Variants in LRRC7 observed in about 807,000 individuals in gnomAD.
LRRC7 encodes the protein leucine-rich repeat-containing protein 7.
A neutral mutation model predicts 175.7 loss-of-function variants in LRRC7; 23 were observed. The observed-to-expected ratio is 0.13, with a 90% CI of 0.09 to 0.19. The LOEUF is 0.19. Ranked by LOEUF, LRRC7 falls within the 10% of genes least tolerant of loss-of-function variation. The pLI is 1.00. For synonymous variants in LRRC7, 685 were observed against 680.9 expected, an observed-to-expected ratio of 1.01 and a Z score of -0.09; for missense variants, 1,354 against 1,904.7, an observed-to-expected ratio of 0.71 and a Z score of 5.38.
intron 7 of LRRC7, among the ~76,000 whole-genome samples, chr1:69,890,720 C>T (rs532722118): frequency 6.6e-6 from 1 of 152,200 alleles, no homozygotes; most frequent in East Asian, 1.9e-4. Flanking sequence ...TTTATTGTAG[C>T]CACCTTCATT....
intron 2 of LRRC7, among the ~76,000 whole-genome samples, chr1:69,697,695 A>T (rs1047507097): frequency 2.0e-5 from 3 of 152,240 alleles, no homozygotes; most frequent in African/African-American, 4.8e-5. Context: ...AAAATCTTGC[A>T]TAGCTAAAGC....
intron 23 of LRRC7, among the ~76,000 whole-genome samples, chr1:70,072,075 C>T (rs1311826992): frequency 6.6e-6 from 1 of 151,972 alleles, no homozygotes; most frequent in African/African-American, 2.4e-5. Flanking sequence ...TAGAGTTTTC[C>T]CTGTAAACTT....
intron 7 of LRRC7, among the ~76,000 whole-genome samples, chr1:69,916,147 A>G (rs1191703599): frequency 6.9e-6 from 1 of 144,820 alleles, no homozygotes; most frequent in African/African-American, 2.5e-5. Context: ...TATAATATAT[A>G]TATTATATAC....
In LRRC7 at chr1:69,732,765, A is replaced by T. The variant is rs80185455; in HGVS notation, c.101-27426A>T. ...TACAAAAATATTTTAGTTTACTTGA[A>T]CTAAAAATTAAATGTGAATGAGGAT... On this transcript the variant is annotated intron_variant, in intron 2 of 26. Coordinates refer to ENST00000651989, the MANE Select transcript of LRRC7 (RefSeq NM_001370785.2). Among the ~76,000 whole-genome samples the T allele has an allele frequency of 3.2e-3, 494 of 152,198 alleles. 6 individuals carry two copies. In the East Asian group the frequency reaches 0.059, roughly 18 times the overall value.
At chr1:70,003,617 A>C (rs1333001804) in intron 11 of LRRC7, among the ~76,000 whole-genome samples, 8 of 152,220 alleles carry the variant, frequency 5.3e-5, no homozygotes, top group Admixed American at 3.9e-4. Flanking sequence ...TGATTGTATA[A>C]GATTTCAGTT....
chr1:69,613,455 A>C (rs1473306125), intron 1 of LRRC7, among the ~76,000 whole-genome samples: 2 of 152,046 alleles, frequency 1.3e-5, no homozygotes, highest in Non-Finnish European at 2.9e-5. Flanking sequence ...CATTAAGTCC[A>C]TAGCACTTAT....
intron 1 of LRRC7, among the ~76,000 whole-genome samples, chr1:69,600,030 C>G (rs1190418056): frequency 6.6e-6 from 1 of 152,100 alleles, no homozygotes; most frequent in African/African-American, 2.4e-5. Context: ...TAGAGCCACT[C>G]CACCTCTAGG....
chr1:69,575,283 C>G (rs1350967674), intron 1 of LRRC7, among the ~76,000 whole-genome samples: 1 of 152,058 alleles, frequency 6.6e-6, no homozygotes, highest in Non-Finnish European at 1.5e-5. Context: ...CTCTTACACC[C>G]GAGCAAAGTA....
In LRRC7 at chr1:69,717,853, G is replaced by GGAAAGAAAGAAAGAAAGAAA. The variant is rs144400631; in HGVS notation, c.100+39382_100+39401dup. ...AAGAAAGAAAGAAAAAAGAAAGAAA[G>GGAAAGAAAGAAAGAAAGAAA]GAAAGAAAGAAAGAAAGAAAGAAAG... On this transcript the variant is annotated intron_variant, in intron 2 of 26. Transcript: ENST00000651989. Among the ~76,000 whole-genome samples the GGAAAGAAAGAAAGAAAGAAA allele has an allele frequency of 1.2e-3, 19 of 15,632 alleles. 2 individuals carry two copies. Among genetic ancestry groups the GGAAAGAAAGAAAGAAAGAAA allele is most frequent in the African/African-American group, 7.3e-3 (18 of 2,456 alleles). The allele number at this position is 15,632 out of a possible 152,430, so 10.3% of individuals were successfully genotyped here.
intron 1 of LRRC7, chr1:69,607,802 C>T (rs1027874567): frequency 1.3e-5 from 2 of 152,054 alleles, no homozygotes; most frequent in Non-Finnish European, 2.9e-5. Context: ...CTAGAATAGT[C>T]AATATCAATT....
intron 10 of LRRC7, among the ~76,000 whole-genome samples, chr1:69,986,911 G>A (rs6660153): frequency 0.026 from 3,955 of 152,096 alleles, 151 homozygotes; most frequent in African/African-American, 0.084. Context: ...ATAATTTGCC[G>A]GTTAGTGTAT....
At chr1:69,742,348 C>A (rs1422364326) in intron 2 of LRRC7, among the ~76,000 whole-genome samples, 1 of 151,896 alleles carries the variant, frequency 6.6e-6, no homozygotes, top group Non-Finnish European at 1.5e-5. Context: ...CCGCTTTATA[C>A]AAGTTATATA....
chr1:69,769,806 CAG>C (rs1233684598), intron 3 of LRRC7, among the ~76,000 whole-genome samples: 1 of 152,038 alleles, frequency 6.6e-6, no homozygotes, highest in East Asian at 1.9e-4. Flanking sequence ...ACTAAAATAA[CAG>C]AAAGTTCTTT....
In LRRC7 at chr1:70,076,160, A is replaced by G; in HGVS notation, c.4314A>G (p.Ile1438Met). Reference sequence around the variant, plus strand: ...AGCAGCAGCCGTATGAAGGAAATATAAACAAAGTGACCATCCAGCAATTTC... The same window carrying G: ...AGCAGCAGCCGTATGAAGGAAATATGAACAAAGTGACCATCCAGCAATTTC... ...SREQQPYEGN[I>M]NKVTIQQFQS... Residue 1438 changes from isoleucine (I) to methionine (M), a missense_variant, in exon 24 of 27, where the codon ATA becomes ATG. Ile to Met is a conservative substitution (Grantham distance 10, BLOSUM62 1). Around this residue, in one of 4 missense-constraint regions of LRRC7, gnomAD observed 1,032 missense variants for 1,227.2 expected, o/e 0.84. Coordinates refer to ENST00000651989, the MANE Select transcript of LRRC7 (RefSeq NM_001370785.2). The G allele has an allele frequency of 6.2e-7, 1 of 1,614,096 alleles. No individual in the cohort carries two copies. The highest frequency in any genetic ancestry group is 8.5e-7 in the Non-Finnish European group (1 of 1,179,984).
chr1:69,822,498 G>C (rs1186651360), intron 4 of LRRC7, among the ~76,000 whole-genome samples: 2 of 152,150 alleles, frequency 1.3e-5, no homozygotes, highest in African/African-American at 4.8e-5. Flanking sequence ...TTTGAACATT[G>C]GTTGCTGACA....
intron 3 of LRRC7, among the ~76,000 whole-genome samples, chr1:69,773,386 T>G (rs917159403): frequency 6.6e-6 from 1 of 152,142 alleles, no homozygotes; most frequent in African/African-American, 2.4e-5. Flanking sequence ...TGATAGACAC[T>G]GAAGTTTGTT....
intron 7 of LRRC7, among the ~76,000 whole-genome samples, chr1:69,913,021 G>T (rs938538977): frequency 9.9e-5 from 15 of 151,878 alleles, no homozygotes; most frequent in African/African-American, 3.6e-4. Context: ...TTTTCAATAA[G>T]ACATCACAAA....
At chr1:69,858,585 C>T (rs1683994642) in intron 7 of LRRC7, among the ~76,000 whole-genome samples, 1 of 152,066 alleles carries the variant, frequency 6.6e-6, no homozygotes, top group South Asian at 2.1e-4. Context: ...GGAATTGTGG[C>T]AGGACCTCTG....
intron 15 of LRRC7, 87 bp downstream of exon 15, chr1:70,018,905 C>A: frequency 2.2e-6 from 2 of 929,006 alleles, no homozygotes; most frequent in Non-Finnish European, 3.4e-6. Context: ...GCCAGGAGTA[C>A]TGGCACATGG....
Sources: gnomAD v4.1 joint callset for allele counts (sites outside exome capture counted in the v4.1 genomes callset) on GRCh38, gnomAD v4.1.1 for gene constraint, gnomAD v4.1.1 regional missense constraint, MANE v1.5 for transcripts, NCBI Gene and HGNC (gene_info 2026-07-23, HGNC 2026-07-21) for gene names.